Variants in GLCE observed in about 807,000 individuals in gnomAD.
GLCE encodes D-glucuronyl C5-epimerase.
Under a neutral mutation model 47.9 loss-of-function variants are expected in GLCE, and 19 were observed. The observed-to-expected ratio is 0.40, with a 90% CI of 0.28 to 0.58. The LOEUF (loss-of-function observed/expected upper bound fraction) is 0.58. Ranked by LOEUF, GLCE falls within the 20% of genes least tolerant of loss-of-function variation. The pLI is 0.48. For missense variants in GLCE, 556 were observed against 743.3 expected (o/e 0.75, Z 2.93); for synonymous variants, 245 against 263.4 (o/e 0.93, Z 0.68).
At chr15:69,260,776 A>T (rs532432095) in intron 3 of GLCE, 1 of 272,616 alleles carries the variant, frequency 3.7e-6, no homozygotes, top group South Asian at 8.7e-5. Flanking sequence ...AAACAGGATT[A>T]TGAAACATGA....
At chr15:69,260,292 C>T (rs887760909) in intron 3 of GLCE, among the ~76,000 whole-genome samples, 1 of 115,782 alleles carries the variant, frequency 8.6e-6, no homozygotes, top group African/African-American at 3.4e-5. Context: ...CAGAGTCTTG[C>T]TCCATCATCC....
intron 2 of GLCE, among the ~76,000 whole-genome samples, chr15:69,213,876 A>G (rs978841734): frequency 1.3e-5 from 2 of 152,146 alleles, no homozygotes; most frequent in African/African-American, 4.8e-5. Flanking sequence ...ATTTACTTAT[A>G]TCAGTGTGAA....
intron 2 of GLCE, among the ~76,000 whole-genome samples, chr15:69,255,527 T>C (rs955419441): frequency 6.6e-6 from 1 of 152,084 alleles, no homozygotes; most frequent in Non-Finnish European, 1.5e-5. Flanking sequence ...TGTGAAAAAT[T>C]ACTGAGATAC....
intron 4 of GLCE, among the ~76,000 whole-genome samples, chr15:69,265,891 C>G (rs1269440492): frequency 6.6e-6 from 1 of 152,144 alleles, no homozygotes; most frequent in East Asian, 1.9e-4. Flanking sequence ...AATAAGCACT[C>G]AAGATAGTCT....
At chr15:69,216,223 A>G (rs1349010981) in intron 2 of GLCE, among the ~76,000 whole-genome samples, 3 of 152,180 alleles carry the variant, frequency 2.0e-5, no homozygotes, top group East Asian at 3.8e-4. Context: ...GAAGATTGGC[A>G]TTGGATTGAC....
At position 69,203,734 on chromosome 15, in the gene GLCE, G is replaced by C. The variant is rs74246081; in HGVS notation, c.-104-6582G>C. On this transcript the variant is annotated intron_variant, in intron 1 of 4. Coordinates refer to ENST00000261858, the MANE Select transcript of GLCE (RefSeq NM_015554.3). ...AAGAAAAGACCTTAAGGCAAAAACTGTTCCTTATAGAGGCTTTTTGTTTTT... is the reference window on the plus strand; with the variant it reads ...AAGAAAAGACCTTAAGGCAAAAACTCTTCCTTATAGAGGCTTTTTGTTTTT... 9.7e-4 allele frequency among the ~76,000 whole-genome samples: 148 copies of C among 152,138 alleles called. 1 individual carries two copies. The East Asian group carries it at 0.019, about 20-fold the overall frequency.
Position 69,181,551 on chromosome 15 carries a change from C to G in GLCE, c.-105+20794C>G, listed in dbSNP as rs572318060. On this transcript the variant is annotated intron_variant, in intron 1 of 4. Transcript: ENST00000261858. ...GTAATGAACCCCTTGTCAGATGCTG[C>G]TCATAGTTCCAGTAAAGAGAACTGG... Among the ~76,000 whole-genome samples the G allele has an allele frequency of 9.2e-5, 14 of 152,252 alleles. No individual in the cohort carries two copies. The South Asian group carries it at 2.9e-3, about 32-fold the overall frequency.
intron 1 of GLCE, among the ~76,000 whole-genome samples, chr15:69,185,812 A>G (rs948875237): frequency 8.6e-5 from 13 of 151,968 alleles, no homozygotes; most frequent in Non-Finnish European, 1.9e-4. Flanking sequence ...ATGCCAACCT[A>G]TCCTTAAGAT....
chr15:69,218,754 C>A (rs964051844), intron 2 of GLCE, among the ~76,000 whole-genome samples: 16 of 152,110 alleles, frequency 1.1e-4, no homozygotes, highest in African/African-American at 2.9e-4. Flanking sequence ...CATTTGATAT[C>A]TTGGAAAAGA....
intron 2 of GLCE, among the ~76,000 whole-genome samples, chr15:69,220,154 A>G (rs1164188247): frequency 6.6e-6 from 1 of 152,040 alleles, no homozygotes; most frequent in Non-Finnish European, 1.5e-5. Context: ...CATTTTGGCT[A>G]TTGTTAATAA....
intron 1 of GLCE, among the ~76,000 whole-genome samples, chr15:69,205,928 A>G (rs2052145841): frequency 6.6e-6 from 1 of 152,100 alleles, no homozygotes; most frequent in South Asian, 2.1e-4. Flanking sequence ...TGCCATAATA[A>G]TAACAGTTTA....
At chr15:69,203,406 G>A (rs891523032) in intron 1 of GLCE, among the ~76,000 whole-genome samples, 1 of 152,066 alleles carries the variant, frequency 6.6e-6, no homozygotes, top group African/African-American at 2.4e-5. Flanking sequence ...TGCATCTTTG[G>A]AAGTCAGATT....
chr15:69,259,364 G>A (rs2052980869), intron 3 of GLCE, among the ~76,000 whole-genome samples: 1 of 151,948 alleles, frequency 6.6e-6, no homozygotes, highest in Admixed American at 6.6e-5. Flanking sequence ...TTAAACTTAT[G>A]GGGTTTTTTG....
At chr15:69,182,004 T>A (rs1369367219) in intron 1 of GLCE, among the ~76,000 whole-genome samples, 1 of 151,834 alleles carries the variant, frequency 6.6e-6, no homozygotes, top group Non-Finnish European at 1.5e-5. Flanking sequence ...GTTAGGTAGA[T>A]GTGGTTTGAG....
rs1266577006 is a variant in GLCE, at chr15:69,261,184, G to C, written c.684G>C (p.Glu228Asp). The C allele has an allele frequency of 6.2e-7, 1 of 1,614,074 alleles. No individual in the cohort carries two copies. Among genetic ancestry groups the C allele is most frequent in the Admixed American group, 1.7e-5 (1 of 60,026 alleles). The change falls in exon 4 of 5, where the codon GAG (glutamate) becomes GAC (aspartate). Residue 228 changes from glutamate to aspartate, a missense_variant. This residue lies in a region of GLCE where 237 missense variants were observed against 310.9 expected (regional missense o/e 0.76). Transcript: ENST00000261858. ...GTCATTACAGCAAGAATCTAACTGA[G>C]AAACCTCCTCACATAGAGGTATATG... ...GLSHYSKNLT[E>D]KPPHIEVYET...
chr15:69,188,174 GAGGTT>G, intron 1 of GLCE, among the ~76,000 whole-genome samples: 1 of 152,142 alleles, frequency 6.6e-6, no homozygotes, highest in African/African-American at 2.4e-5. Flanking sequence ...CTGGGAGGTG[GAGGTT>G]GCCAAGATTG....
At chr15:69,217,613 G>C (rs971553655) in intron 2 of GLCE, among the ~76,000 whole-genome samples, 2 of 152,062 alleles carry the variant, frequency 1.3e-5, no homozygotes, top group African/African-American at 4.8e-5. Flanking sequence ...AGTTTTGCAT[G>C]TATGACAGTT....
intron 1 of GLCE, among the ~76,000 whole-genome samples, chr15:69,170,109 G>T (rs1387680981): frequency 6.6e-6 from 1 of 151,954 alleles, no homozygotes; most frequent in Non-Finnish European, 1.5e-5. Flanking sequence ...TTGCCATATT[G>T]CTTTCTAGAA....
intron 1 of GLCE, among the ~76,000 whole-genome samples, chr15:69,186,490 A>G (rs991713426): frequency 3.9e-5 from 6 of 152,220 alleles, no homozygotes; most frequent in South Asian, 4.1e-4. Flanking sequence ...AAACAATTTT[A>G]AATTGCCTGA....
Sources: allele counts gnomAD v4.1 joint callset (sites outside exome capture counted in the v4.1 genomes callset), GRCh38; gene constraint gnomAD v4.1.1; regional missense constraint gnomAD v4.1.1; transcripts MANE v1.5; gene names NCBI Gene and HGNC (gene_info 2026-07-23, HGNC 2026-07-21).